Variants in CHCHD6 observed in about 807,000 individuals in gnomAD.
CHCHD6 encodes the protein MICOS complex subunit MIC25.
A neutral mutation model predicts 32.3 loss-of-function variants in CHCHD6; 28 were observed. That is an observed-to-expected ratio of 0.87 (90% CI 0.64 to 1.19). CHCHD6 has a LOEUF of 1.19. Ranked by LOEUF, CHCHD6 falls within the 50% of genes most tolerant of loss-of-function variation. CHCHD6 has a pLI of 0.00. For missense variants in CHCHD6, 333 were observed against 307.0 expected (o/e 1.08, Z -0.63); for synonymous variants, 122 against 117.5 (o/e 1.04, Z -0.25).
At chr3:126,895,668 G>A (rs775872791) in intron 5 of CHCHD6, among the ~76,000 whole-genome samples, 1 of 152,202 alleles carries the variant, frequency 6.6e-6, no homozygotes, top group Admixed American at 6.5e-5. Flanking sequence ...TTATTTTTAG[G>A]CATGGAAACA....
At chr3:126,931,920 G>T (rs7616512) in intron 6 of CHCHD6, among the ~76,000 whole-genome samples, 87,648 of 151,918 alleles carry the variant, frequency 0.58, 26,672 homozygotes, top group Non-Finnish European at 0.68. Flanking sequence ...CCCCATTTTT[G>T]TGATGAGGAA....
intron 4 of CHCHD6, among the ~76,000 whole-genome samples, chr3:126,765,652 A>C (rs1188085086): frequency 2.0e-5 from 3 of 152,234 alleles, no homozygotes; most frequent in Non-Finnish European, 1.5e-5. Flanking sequence ...TGGAGAATGC[A>C]CTTGACTGCT....
chr3:126,860,272 C>T (rs1401774394), intron 5 of CHCHD6, among the ~76,000 whole-genome samples: 1 of 152,114 alleles, frequency 6.6e-6, no homozygotes, highest in Non-Finnish European at 1.5e-5. Context: ...CACCTTCCAC[C>T]GTCATGGGGA....
chr3:126,724,971 T>C (rs540249224), intron 1 of CHCHD6, among the ~76,000 whole-genome samples: 45 of 152,344 alleles, frequency 3.0e-4, no homozygotes, highest in African/African-American at 1.0e-3. Context: ...CAGTGACTTC[T>C]CCATTGAAGT....
At chr3:126,903,556 G>A (rs936422330) in intron 5 of CHCHD6, among the ~76,000 whole-genome samples, 12 of 152,310 alleles carry the variant, frequency 7.9e-5, no homozygotes, top group African/African-American at 2.9e-4. Context: ...ATTCTGTTGT[G>A]CTATGCATTT....
Position 126,753,677 on chromosome 3 carries a change from G to T in CHCHD6, c.411+20455G>T, listed in dbSNP as rs114166422. ...CCCTGTCTCTCTCTCTGGTGTACAGGCGCATTGCCCAGAGTTTCGTGGGCT... is the reference window on the plus strand; with the variant it reads ...CCCTGTCTCTCTCTCTGGTGTACAGTCGCATTGCCCAGAGTTTCGTGGGCT... On this transcript the variant is annotated intron_variant, in intron 4 of 7. Coordinates refer to ENST00000290913, the MANE Select transcript of CHCHD6 (RefSeq NM_032343.3). Among the ~76,000 whole-genome samples the T allele has an allele frequency of 3.4e-3, 513 of 152,308 alleles. 4 individuals carry two copies. Among genetic ancestry groups the T allele is most frequent in the African/African-American group, 0.012 (484 of 41,562 alleles).
chr3:126,709,424 C>T (rs1028642488), intron 1 of CHCHD6, among the ~76,000 whole-genome samples: 56 of 152,290 alleles, frequency 3.7e-4, no homozygotes, highest in African/African-American at 1.3e-3. Context: ...TTGTGAGTAA[C>T]GCTGCTATGA....
chr3:126,846,240 G>T (rs1941292210), intron 4 of CHCHD6, among the ~76,000 whole-genome samples: 1 of 152,138 alleles, frequency 6.6e-6, no homozygotes, highest in African/African-American at 2.4e-5. Flanking sequence ...TGACTCAGAG[G>T]TTGCCCAGTG....
intron 4 of CHCHD6, among the ~76,000 whole-genome samples, chr3:126,741,000 C>T (rs749935753): frequency 2.0e-5 from 3 of 152,170 alleles, no homozygotes; most frequent in Non-Finnish European, 4.4e-5. Flanking sequence ...AGGGATGGCC[C>T]TCTGTTCATC....
At chr3:126,825,059 A>G (rs991404249) in intron 4 of CHCHD6, among the ~76,000 whole-genome samples, 7 of 152,034 alleles carry the variant, frequency 4.6e-5, no homozygotes, top group Non-Finnish European at 8.8e-5. Context: ...TAAGGCTATA[A>G]TTTTTCCTTT....
intron 7 of CHCHD6, 52 bp downstream of exon 7, chr3:126,957,603 G>C: frequency 6.5e-7 from 1 of 1,539,988 alleles, no homozygotes; most frequent in Non-Finnish European, 8.8e-7. Flanking sequence ...AGGTAGGCGA[G>C]GTACCTCTAT....
Position 126,727,078 on chromosome 3 carries a change from C to T in CHCHD6, c.88C>T (p.Leu30=), listed in dbSNP as rs200421783. 83 of 1,610,150 alleles carry T rather than the reference C, an allele frequency of 5.2e-5. 1 individual carries two copies. Among genetic ancestry groups the T allele is most frequent in the Non-Finnish European group, 6.4e-5 (75 of 1,176,570 alleles). The change falls in exon 2 of 8, where the codon CTG becomes TTG. Residue 30 remains leucine, a splice_region_variant and synonymous_variant. Transcript: ENST00000290913. ...TTTTCCCTCTTTTCTGCTTCCTTAG[C>T]TGTCTGAAAACGTGGTGAACCGCAT... ...ERVRVLQGVR[L]SENVVNRMKE... is the part of the protein sequence containing the mutation.
intron 4 of CHCHD6, among the ~76,000 whole-genome samples, chr3:126,802,156 C>A (rs564316031): frequency 1.3e-5 from 2 of 152,290 alleles, no homozygotes. Flanking sequence ...AAGCAGAGTG[C>A]CTCTCCTCCT....
chr3:126,818,604 C>T (rs1940012974), intron 4 of CHCHD6, among the ~76,000 whole-genome samples: 1 of 152,198 alleles, frequency 6.6e-6, no homozygotes, highest in African/African-American at 2.4e-5. Flanking sequence ...TCACATTTCT[C>T]CAGTTAAGAA....
chr3:126,855,742 G>A (rs1941644928), intron 5 of CHCHD6, among the ~76,000 whole-genome samples: 1 of 152,142 alleles, frequency 6.6e-6, no homozygotes, highest in African/African-American at 2.4e-5. Context: ...GTCCATTTCT[G>A]TAGGCATCTT....
At chr3:126,735,689 C>A (rs1050728833) in intron 4 of CHCHD6, among the ~76,000 whole-genome samples, 4 of 152,172 alleles carry the variant, frequency 2.6e-5, no homozygotes, top group Admixed American at 2.0e-4. Context: ...CATTGTCTCT[C>A]AGGTGTTGCA....
intron 4 of CHCHD6, among the ~76,000 whole-genome samples, chr3:126,795,060 G>T (rs1166218128): frequency 6.6e-6 from 1 of 152,126 alleles, no homozygotes; most frequent in East Asian, 1.9e-4. Flanking sequence ...TGCCTCTCCT[G>T]AGGGGCTGCA....
At position 126,960,281 on chromosome 3, in the gene CHCHD6, C is replaced by A; in HGVS notation, c.*80C>A. On this transcript the variant is annotated 3_prime_UTR_variant, in exon 8 of 8. Coordinates refer to ENST00000290913, the MANE Select transcript of CHCHD6 (RefSeq NM_032343.3). ...CAATCATGGGACCACAGCCACTGTGCCCTGCCGTTTCCTGCTGGGCCCCTG... is the reference window on the plus strand; with the variant it reads ...CAATCATGGGACCACAGCCACTGTGACCTGCCGTTTCCTGCTGGGCCCCTG... The A allele has an allele frequency of 1.3e-6, 2 of 1,520,942 alleles. No individual in the cohort carries two copies. The highest frequency in any genetic ancestry group is 8.9e-7 in the Non-Finnish European group (1 of 1,121,452). 94.2% of individuals were successfully genotyped at this position (1,520,942 alleles called of 1,614,324 possible). A position where few individuals can be genotyped will look rare whatever the true frequency, so the allele number is the denominator to read the frequency against.
chr3:126,722,415 G>C (rs781435967), intron 1 of CHCHD6, among the ~76,000 whole-genome samples: 3 of 152,094 alleles, frequency 2.0e-5, no homozygotes, highest in Non-Finnish European at 2.9e-5. Flanking sequence ...CTTTTGCCTC[G>C]GCCCTCCAAA....
Sources: allele counts gnomAD v4.1 joint callset (sites outside exome capture counted in the v4.1 genomes callset), GRCh38; gene constraint gnomAD v4.1.1; transcripts MANE v1.5; gene names NCBI Gene and HGNC (gene_info 2026-07-23, HGNC 2026-07-21).